The following ST8SIA3 variants were observed in gnomAD, a reference collection of about 807,000 sequenced individuals.
ST8SIA3 encodes the protein ST8 alpha-N-acetyl-neuraminide alpha-2,8-sialyltransferase 3, also known as alpha-N-acetylneuraminate alpha-2,8-sialyltransferase ST8SIA3.
Under a neutral mutation model 34.5 loss-of-function variants are expected in ST8SIA3, and 17 were observed. The observed-to-expected ratio is 0.49, with a 90% CI of 0.34 to 0.74. The LOEUF (loss-of-function observed/expected upper bound fraction) is 0.74. Among genes scored for constraint, ST8SIA3 ranks in the 30% least tolerant of loss-of-function variants. ST8SIA3 has a pLI of 0.01. For missense variants in ST8SIA3, 354 were observed against 467.8 expected (o/e 0.76, Z 2.24); for synonymous variants, 172 against 176.1 (o/e 0.98, Z 0.19).
At position 57,361,866 on chromosome 18, in the gene ST8SIA3, A is replaced by T. The variant is rs1009325334; in HGVS notation, c.*1589A>T. ...CTTGCAATGCGACAAATAACTGTTTAAAAAATGTGCTGTAGTTCAGTGATG... is the reference window on the plus strand; with the variant it reads ...CTTGCAATGCGACAAATAACTGTTTTAAAAATGTGCTGTAGTTCAGTGATG... On this transcript the variant is annotated 3_prime_UTR_variant, in exon 4 of 4. Transcript: ENST00000324000. 22 of 152,364 alleles carry T rather than the reference A, an allele frequency of 1.4e-4. 1 individual carries two copies. The highest frequency in any genetic ancestry group is 2.9e-5 in the Non-Finnish European group (2 of 68,030). The allele number at this position is 152,364 out of a possible 1,614,324, so 9.4% of individuals were successfully genotyped here. A position where few individuals can be genotyped will look rare whatever the true frequency, so the allele number is the denominator to read the frequency against.
chr18:57,352,640 T>C lies in ST8SIA3; in HGVS notation c.-207T>C. On this transcript the variant is annotated 5_prime_UTR_variant, in exon 1 of 4. Coordinates refer to ENST00000324000, the MANE Select transcript of ST8SIA3 (RefSeq NM_015879.3). ...GCCCCTGCCTACGGGGTCCCGCTGC[T>C]CTCCGGGGCTCCTGCCAGCCCCAAC... 1 of 576,526 alleles carries C rather than the reference T, an allele frequency of 1.7e-6. No homozygotes were observed. The allele number at this position is 576,526 out of a possible 1,614,324, so 35.7% of individuals were successfully genotyped here.
intron 1 of ST8SIA3, 127 bp downstream of exon 1, chr18:57,353,152 CT>C (rs2049775128): frequency 1.2e-6 from 1 of 850,888 alleles, no homozygotes; most frequent in Non-Finnish European, 1.8e-6. Context: ...CTGCGCGGTC[CT>C]TCCACTCCTC....
chr18:57,353,014 C>T lies in ST8SIA3; in HGVS notation c.168C>T (p.His56=), dbSNP rs148694307. 1.1e-5 allele frequency: 18 copies of T among 1,608,124 alleles called. No individual in the cohort carries two copies. Among genetic ancestry groups the T allele is most frequent in the African/African-American group, 9.4e-5 (7 of 74,866 alleles). Residue 56 remains histidine (H), a synonymous_variant, in exon 1 of 4, where the codon CAC becomes CAT. Transcript: ENST00000324000. ...GGGCGCCCCGAATGTACATGTTCCA[C>T]GCGGGATTCCGGTGAGTGCGGGCCT... ...SPGAPRMYMF[H]AGFRSQFALK...
chr18:57,354,294 C>A (rs775845618), intron 1 of ST8SIA3, 108 bp from the exon 2 acceptor site: 81 of 1,423,424 alleles, frequency 5.7e-5, no homozygotes, highest in Non-Finnish European at 7.6e-5. Context: ...CGGAACGGAG[C>A]CCGCACGCGT....
At position 57,365,775 on chromosome 18, in the gene ST8SIA3, C is replaced by T. The variant is rs1293323750; in HGVS notation, c.*5498C>T. ...AGGGTGATCAGTTATTACTTGTGGC[C>T]TTGTACCACCTCTGTTGGATAATGT... is the stretch of plus-strand genomic sequence containing the variant. On this transcript the variant is annotated 3_prime_UTR_variant, in exon 4 of 4. Coordinates refer to ENST00000324000, the MANE Select transcript of ST8SIA3 (RefSeq NM_015879.3). The T allele has an allele frequency of 1.3e-5, 2 of 152,186 alleles. No individual in the cohort carries two copies. Among genetic ancestry groups the T allele is most frequent in the Non-Finnish European group, 2.9e-5 (2 of 68,040 alleles). The allele number at this position is 152,186 out of a possible 1,614,324, so 9.4% of individuals were successfully genotyped here.
At position 57,357,044 on chromosome 18, in the gene ST8SIA3, G is replaced by A. The variant is rs201032971; in HGVS notation, c.434G>A (p.Arg145Gln). Residue 145 changes from arginine (R) to glutamine (Q), a missense_variant, in exon 3 of 4, where the codon CGG becomes CAG. This residue lies in a region of ST8SIA3 where 184 missense variants were observed against 205.4 expected (regional missense o/e 0.90). Coordinates refer to ENST00000324000, the MANE Select transcript of ST8SIA3 (RefSeq NM_015879.3). ...KYVFSISNNF[R>Q]SLLPDVSPIM... ...GTTTTCTCTATTAGCAATAACTTCC[G>A]GTCACTTCTTCCAGATGTGTCACCC... 4.8e-4 allele frequency: 776 copies of A among 1,613,954 alleles called. 2 individuals are homozygous for A. Among genetic ancestry groups the A allele is most frequent in the Non-Finnish European group, 5.9e-4 (700 of 1,179,952 alleles).
Position 57,352,652 on chromosome 18 carries a change from C to T in ST8SIA3, c.-195C>T, listed in dbSNP as rs1464896594. The T allele has an allele frequency of 1.7e-6, 1 of 574,852 alleles. No homozygotes were observed. The highest frequency in any genetic ancestry group is 3.1e-6 in the Non-Finnish European group (1 of 322,344). The allele number at this position is 574,852 out of a possible 1,614,324, so 35.6% of individuals were successfully genotyped here. The stretch of plus-strand genomic sequence containing the variant: ...GGGGTCCCGCTGCTCTCCGGGGCTC[C>T]TGCCAGCCCCAACCCCCGGCCCCGG... On this transcript the variant is annotated 5_prime_UTR_variant, in exon 1 of 4. Coordinates refer to ENST00000324000, the MANE Select transcript of ST8SIA3 (RefSeq NM_015879.3).
In ST8SIA3 at chr18:57,361,536, T is replaced by G. The variant is rs1356311394; in HGVS notation, c.*1259T>G. On this transcript the variant is annotated 3_prime_UTR_variant, in exon 4 of 4. Transcript: ENST00000324000. ...TCTATACAACTACAAATTAAGCATT[T>G]CAAAAGAAAAAGCCATTGTGCAGTG... 1 of 152,638 alleles carries G rather than the reference T, an allele frequency of 6.6e-6. No homozygotes were observed. The highest frequency in any genetic ancestry group is 2.4e-5 in the African/African-American group (1 of 41,442). 9.5% of individuals were successfully genotyped at this position (152,638 alleles called of 1,614,324 possible). A position where few individuals can be genotyped will look rare whatever the true frequency, so the allele number is the denominator to read the frequency against.
chr18:57,360,512 A>T lies in ST8SIA3; in HGVS notation c.*235A>T. 1 of 519,872 alleles carries T rather than the reference A, an allele frequency of 1.9e-6. No individual in the cohort carries two copies. Among genetic ancestry groups the T allele is most frequent in the Admixed American group, 3.4e-5 (1 of 29,442 alleles). 32.2% of individuals were successfully genotyped at this position (519,872 alleles called of 1,614,324 possible). On this transcript the variant is annotated 3_prime_UTR_variant, in exon 4 of 4. Coordinates refer to ENST00000324000, the MANE Select transcript of ST8SIA3 (RefSeq NM_015879.3). ...TGATAAAGGGAATGTTGCATTTGGG[A>T]CTATGCTGCTAACGAAATGGTTTGA...
At chr18:57,353,443 T>A (rs2144196795) in intron 1 of ST8SIA3, among the ~76,000 whole-genome samples, 1 of 152,038 alleles carries the variant, frequency 6.6e-6, no homozygotes, top group Non-Finnish European at 1.5e-5. Flanking sequence ...CCCGGGGCGG[T>A]GCTGGCGGTT....
At chr18:57,354,328 CT>C in intron 1 of ST8SIA3, 73 bp from the exon 2 acceptor site, 2 of 1,598,626 alleles carry the variant, frequency 1.3e-6, no homozygotes, top group South Asian at 2.2e-5. Context: ...GCCCCAGCCG[CT>C]GCACTTTAAT....
In ST8SIA3 at chr18:57,357,070, A is replaced by G. The variant is rs113976099; in HGVS notation, c.460A>G (p.Ile154Val). 5.6e-6 allele frequency: 9 copies of G among 1,614,020 alleles called. No homozygotes were observed. Among genetic ancestry groups the G allele is most frequent in the African/African-American group, 1.3e-5 (1 of 74,936 alleles). Reference protein sequence around the residue: ...FRSLLPDVSPIMNKHYNICAV... With the variant: ...FRSLLPDVSPVMNKHYNICAV... ...GTCACTTCTTCCAGATGTGTCACCC[A>G]TTATGAACAAGCATTATAATATTTG... Residue 154 changes from isoleucine (I) to valine (V), a missense_variant, in exon 3 of 4, where the codon ATT becomes GTT. Around this residue, in one of 3 missense-constraint regions of ST8SIA3, gnomAD observed 184 missense variants for 205.4 expected, o/e 0.90. Coordinates refer to ENST00000324000, the MANE Select transcript of ST8SIA3 (RefSeq NM_015879.3).
Position 57,359,924 on chromosome 18 carries a change from G to A in ST8SIA3, c.861-71G>A. ...AGTAACAAATCCACTACCCAGCCCA[G>A]TCAGATAGACCTTGCTGATTGAAAC... On this transcript the variant is annotated intron_variant, in intron 3 of 3. Coordinates refer to ENST00000324000, the MANE Select transcript of ST8SIA3 (RefSeq NM_015879.3). 5.8e-6 allele frequency: 8 copies of A among 1,384,366 alleles called. No homozygotes were observed. In the South Asian group the frequency reaches 7.9e-5, roughly 14 times the overall value. The allele number at this position is 1,384,366 out of a possible 1,614,324, so 85.8% of individuals were successfully genotyped here. A position where few individuals can be genotyped will look rare whatever the true frequency, so the allele number is the denominator to read the frequency against.
At position 57,368,438 on chromosome 18, in the gene ST8SIA3, T is replaced by C. The variant is rs2049873121; in HGVS notation, c.*8161T>C. On this transcript the variant is annotated 3_prime_UTR_variant, in exon 4 of 4. Coordinates refer to ENST00000324000, the MANE Select transcript of ST8SIA3 (RefSeq NM_015879.3). ...TGTCAGGGAAAATAAATGCTTCTTATATTGTTAATACCGTGATTCCCTGCC... is the reference window on the plus strand; with the variant it reads ...TGTCAGGGAAAATAAATGCTTCTTACATTGTTAATACCGTGATTCCCTGCC... 6.6e-6 allele frequency: 1 copy of C among 152,238 alleles called. No individual in the cohort carries two copies. Among genetic ancestry groups the C allele is most frequent in the Non-Finnish European group, 1.5e-5 (1 of 68,042 alleles). The allele number at this position is 152,238 out of a possible 1,614,324, so 9.4% of individuals were successfully genotyped here. A position where few individuals can be genotyped will look rare whatever the true frequency, so the allele number is the denominator to read the frequency against.
intron 2 of ST8SIA3, among the ~76,000 whole-genome samples, chr18:57,356,018 T>G (rs1296906483): frequency 6.6e-6 from 1 of 152,222 alleles, no homozygotes; most frequent in Non-Finnish European, 1.5e-5. Flanking sequence ...AGGCAAAAGT[T>G]ATAAGAAATT....
rs149035776 is a variant in ST8SIA3 at position 57,362,182 on chromosome 18, C to T, written c.*1905C>T. 18 of 152,282 alleles carry T rather than the reference C, an allele frequency of 1.2e-4. No individual in the cohort carries two copies. The highest frequency in any genetic ancestry group is 2.1e-4 in the Non-Finnish European group (14 of 68,018). 9.4% of individuals were successfully genotyped at this position (152,282 alleles called of 1,614,324 possible). Reference sequence around the variant, plus strand: ...TGGTATAATTTGATGGGTATCACAACCACACCGTGTTTGTTCCCTGTCCCT... The same window carrying T: ...TGGTATAATTTGATGGGTATCACAATCACACCGTGTTTGTTCCCTGTCCCT... On this transcript the variant is annotated 3_prime_UTR_variant, in exon 4 of 4. Coordinates refer to ENST00000324000, the MANE Select transcript of ST8SIA3 (RefSeq NM_015879.3).
Position 57,367,341 on chromosome 18 carries a change from T to C in ST8SIA3, c.*7064T>C, listed in dbSNP as rs1381098602. 6.6e-6 allele frequency: 1 copy of C among 152,512 alleles called. No individual in the cohort carries two copies. The highest frequency in any genetic ancestry group is 1.5e-5 in the Non-Finnish European group (1 of 68,036). 9.4% of individuals were successfully genotyped at this position (152,512 alleles called of 1,614,324 possible). ...ATTGAAATGAGCTTGTTTCTCTACA[T>C]TGAGCAAGCTACATTTTATTTTAAA... is the stretch of plus-strand genomic sequence containing the variant. On this transcript the variant is annotated 3_prime_UTR_variant, in exon 4 of 4. Coordinates refer to ENST00000324000, the MANE Select transcript of ST8SIA3 (RefSeq NM_015879.3).
In ST8SIA3 at chr18:57,357,293, G is replaced by A. The variant is rs766717418; in HGVS notation, c.683G>A (p.Arg228His). 13 of 1,613,922 alleles carry A rather than the reference G, an allele frequency of 8.1e-6. No homozygotes were observed. The highest frequency in any genetic ancestry group is 4.0e-5 in the African/African-American group (3 of 74,890). The change falls in exon 3 of 4, where the codon CGT becomes CAT. Residue 228 changes from arginine to histidine, a missense_variant. Coordinates refer to ENST00000324000, the MANE Select transcript of ST8SIA3 (RefSeq NM_015879.3). ...YYNNLLTIQD[R>H]NNFFLSLKKL... ...AACAATCTCTTGACTATTCAGGACC[G>A]TAACAACTTTTTCCTCAGTTTAAAA...
In ST8SIA3 at chr18:57,357,799, G is replaced by C. The variant is rs530877260; in HGVS notation, c.860+329G>C. Among the ~76,000 whole-genome samples, 8 of 152,248 alleles carry C rather than the reference G, an allele frequency of 5.3e-5. No homozygotes were observed. In the South Asian group the frequency reaches 1.0e-3, roughly 20 times the overall value. On this transcript the variant is annotated intron_variant, in intron 3 of 3. Transcript: ENST00000324000. ...ATCAAGAATTTTCTTTAAATAGATA[G>C]CTATATTCCAAGAATGCCAATGGCT...
Sources: allele counts gnomAD v4.1 joint callset (sites outside exome capture counted in the v4.1 genomes callset), GRCh38; gene constraint gnomAD v4.1.1; regional missense constraint gnomAD v4.1.1; transcripts MANE v1.5; gene names NCBI Gene and HGNC (gene_info 2026-07-23, HGNC 2026-07-21).